The following DCC variants were observed in gnomAD, a reference collection of about 807,000 sequenced individuals.
DCC encodes the protein netrin receptor DCC.
In DCC, 58 loss-of-function variants were observed where a neutral mutation model predicts 172.5. The observed-to-expected ratio is 0.34, with a 90% CI of 0.27 to 0.42. DCC has a LOEUF of 0.42. Ranked by LOEUF, DCC falls within the 10% of genes least tolerant of loss-of-function variation. The pLI, the probability that DCC is intolerant of heterozygous loss-of-function variation, is 1.00. For missense variants in DCC, 1,740 were observed against 1,791.0 expected, an observed-to-expected ratio of 0.97 and a Z score of 0.51; for synonymous variants, 709 against 644.5, an observed-to-expected ratio of 1.10 and a Z score of -1.52.
chr18:53,397,788 C>A (rs948022896), intron 18 of DCC, among the ~76,000 whole-genome samples: 7 of 151,988 alleles, frequency 4.6e-5, no homozygotes, highest in Admixed American at 1.3e-4. Flanking sequence ...TGTCTTTGAA[C>A]AATTGTCATG....
At chr18:52,487,399 A>G (rs1170565309) in intron 1 of DCC, among the ~76,000 whole-genome samples, 1 of 152,192 alleles carries the variant, frequency 6.6e-6, no homozygotes, top group Non-Finnish European at 1.5e-5. Context: ...TTCAGTTAAC[A>G]CATCTATAAA....
intron 2 of DCC, among the ~76,000 whole-genome samples, chr18:52,895,950 C>T (rs1013571372): frequency 3.3e-5 from 5 of 152,110 alleles, no homozygotes; most frequent in Middle Eastern, 3.4e-3. Context: ...ACACTTGGCT[C>T]ATTTTTGTAC....
chr18:52,679,408 G>A lies in DCC; in HGVS notation c.92-72646G>A, dbSNP rs547968786. Reference sequence around the variant, plus strand: ...TAGAAATTATTTTGTTGTTGATGATGATGATTTATAGCTGTTTTCCCCGTT... The same window carrying A: ...TAGAAATTATTTTGTTGTTGATGATAATGATTTATAGCTGTTTTCCCCGTT... On this transcript the variant is annotated intron_variant, in intron 1 of 28. Transcript: ENST00000442544. 4.1e-4 allele frequency among the ~76,000 whole-genome samples: 63 copies of A among 152,140 alleles called. 1 individual carries two copies. Among genetic ancestry groups the A allele is most frequent in the African/African-American group, 1.4e-3 (58 of 41,528 alleles).
At chr18:52,484,616 T>A (rs898937643) in intron 1 of DCC, among the ~76,000 whole-genome samples, 14 of 152,028 alleles carry the variant, frequency 9.2e-5, no homozygotes, top group Non-Finnish European at 2.1e-4. Flanking sequence ...CTGTAAGATA[T>A]AAGGAGTTGT....
intron 1 of DCC, among the ~76,000 whole-genome samples, chr18:52,708,421 A>C (rs574432987): frequency 2.8e-5 from 4 of 142,828 alleles, no homozygotes; most frequent in Non-Finnish European, 6.1e-5. Flanking sequence ...CAGCCTGGGC[A>C]ATAGAGCGAG....
chr18:53,357,920 C>A (rs184135570), intron 15 of DCC, among the ~76,000 whole-genome samples: 4 of 152,220 alleles, frequency 2.6e-5, no homozygotes, highest in African/African-American at 9.6e-5. Flanking sequence ...TTTATAATTT[C>A]ACGATTCACA....
At chr18:52,366,510 G>A (rs1232853912) in intron 1 of DCC, among the ~76,000 whole-genome samples, 1 of 152,082 alleles carries the variant, frequency 6.6e-6, no homozygotes, top group Non-Finnish European at 1.5e-5. Flanking sequence ...AGATACAAAG[G>A]TTCTCCACAT....
In DCC at chr18:52,340,657, G is replaced by T; in HGVS notation, c.-131G>T. ...GGAGGTGGAGAAAGAGGTGGAGGAA[G>T]AGGACGAGGAGGAGGAGGAAGCCGA... On this transcript the variant is annotated 5_prime_UTR_variant, in exon 1 of 29. Coordinates refer to ENST00000442544, the MANE Select transcript of DCC (RefSeq NM_005215.4). 1 of 777,288 alleles carries T rather than the reference G, an allele frequency of 1.3e-6. No homozygotes were observed. The highest frequency in any genetic ancestry group is 2.4e-6 in the Non-Finnish European group (1 of 423,472). 48.1% of individuals were successfully genotyped at this position (777,288 alleles called of 1,614,324 possible).
chr18:52,786,577 T>G (rs528899800), intron 2 of DCC, among the ~76,000 whole-genome samples: 48 of 152,256 alleles, frequency 3.2e-4, no homozygotes, highest in Non-Finnish European at 6.6e-4. Flanking sequence ...CATAGCTCTT[T>G]TGGATTGGCT....
chr18:52,544,214 T>C (rs1335046540), intron 1 of DCC, among the ~76,000 whole-genome samples: 2 of 152,206 alleles, frequency 1.3e-5, no homozygotes, highest in East Asian at 3.9e-4. Flanking sequence ...CTTTTTATTT[T>C]GCCAAGTCAT....
chr18:52,866,859 A>C (rs779121843), intron 2 of DCC, among the ~76,000 whole-genome samples: 1 of 152,226 alleles, frequency 6.6e-6, no homozygotes, highest in Admixed American at 6.5e-5. Flanking sequence ...TTCCTATTTG[A>C]ATACCCTTTA....
At chr18:52,441,691 T>A (rs1423694446) in intron 1 of DCC, among the ~76,000 whole-genome samples, 1 of 152,206 alleles carries the variant, frequency 6.6e-6, no homozygotes, top group Non-Finnish European at 1.5e-5. Context: ...TGACCTTTTT[T>A]AACCTTAAAG....
At chr18:53,025,253 T>C (rs1265869627) in intron 5 of DCC, among the ~76,000 whole-genome samples, 5 of 152,118 alleles carry the variant, frequency 3.3e-5, no homozygotes, top group African/African-American at 1.2e-4. Context: ...TAAAATGATA[T>C]CACTAAGCTG....
At chr18:53,491,945 C>T (rs1411638286) in intron 26 of DCC, among the ~76,000 whole-genome samples, 1 of 152,184 alleles carries the variant, frequency 6.6e-6, no homozygotes, top group African/African-American at 2.4e-5. Context: ...AAAAGCCTTC[C>T]TATGTCTCCA....
At chr18:53,068,065 A>T (rs2042599366) in intron 7 of DCC, among the ~76,000 whole-genome samples, 1 of 152,216 alleles carries the variant, frequency 6.6e-6, no homozygotes, top group African/African-American at 2.4e-5. Flanking sequence ...AGGAATTAAA[A>T]GGAGCAATTA....
chr18:53,007,377 C>T (rs557596887), intron 5 of DCC, among the ~76,000 whole-genome samples: 13 of 152,194 alleles, frequency 8.5e-5, no homozygotes, highest in African/African-American at 3.1e-4. Flanking sequence ...TTTGAAATGC[C>T]AGCTCCATGG....
At chr18:52,362,579 AT>A (rs1303422768) in intron 1 of DCC, among the ~76,000 whole-genome samples, 14 of 151,816 alleles carry the variant, frequency 9.2e-5, no homozygotes, top group African/African-American at 3.4e-4. Context: ...TATAGTTTTT[AT>A]TTTTTTTCTC....
At chr18:52,620,058 A>G (rs1037374740) in intron 1 of DCC, among the ~76,000 whole-genome samples, 3 of 152,232 alleles carry the variant, frequency 2.0e-5, no homozygotes, top group Non-Finnish European at 2.9e-5. Context: ...TAATTTATAT[A>G]AAGGAACTGA....
chr18:53,057,491 A>T, intron 5 of DCC, among the ~76,000 whole-genome samples: 1 of 152,068 alleles, frequency 6.6e-6, no homozygotes, highest in East Asian at 1.9e-4. Flanking sequence ...CATAAAAATG[A>T]TTCTTTATGT....
Sources: allele counts gnomAD v4.1 joint callset (sites outside exome capture counted in the v4.1 genomes callset), GRCh38; gene constraint gnomAD v4.1.1; transcripts MANE v1.5; gene names NCBI Gene and HGNC (gene_info 2026-07-23, HGNC 2026-07-21).